Variants in METTL16 observed in about 807,000 individuals in gnomAD.
METTL16 encodes RNA N(6)-adenosine-methyltransferase METTL16.
A neutral mutation model predicts 57.9 loss-of-function variants in METTL16; 19 were observed. That is an observed-to-expected ratio of 0.33 (90% CI 0.23 to 0.48). The LOEUF (loss-of-function observed/expected upper bound fraction) is 0.48. Among genes scored for constraint, METTL16 ranks in the 20% least tolerant of loss-of-function variants. The probability of loss-of-function intolerance (pLI) is 0.99; values close to 1 mark genes in which losing one functional copy is unlikely to be tolerated. For missense variants in METTL16, 434 were observed against 691.5 expected, an observed-to-expected ratio of 0.63 and a Z score of 4.18; for synonymous variants, 246 against 255.6, an observed-to-expected ratio of 0.96 and a Z score of 0.36.
rs577650358 is a variant in METTL16, at chr17:2,487,144, T to A, written c.129-9259A>T. On this transcript the variant is annotated intron_variant, in intron 2 of 9. Coordinates refer to ENST00000263092, the MANE Select transcript of METTL16 (RefSeq NM_024086.4). The stretch of plus-strand genomic sequence containing the variant: ...ACGAAATGATATGTGAGCTAAGGGA[T>A]GCTGTGTTTCACATGAGTCTCCCAA... Among the ~76,000 whole-genome samples, 3 of 152,064 alleles carry A rather than the reference T, an allele frequency of 2.0e-5. No individual in the cohort carries two copies. The South Asian group carries it at 6.2e-4, about 31-fold the overall frequency.
intron 1 of METTL16, among the ~76,000 whole-genome samples, chr17:2,511,181 C>T (rs9989477): frequency 0.61 from 91,821 of 151,336 alleles, 30,100 homozygotes; most frequent in Non-Finnish European, 0.75. Flanking sequence ...TCCAGAAAGC[C>T]ACAGTTAATA....
At chr17:2,428,935 C>T (rs1299071964) in intron 8 of METTL16, among the ~76,000 whole-genome samples, 12 of 151,434 alleles carry the variant, frequency 7.9e-5, no homozygotes, top group Admixed American at 3.3e-4. Flanking sequence ...CTCGGCTCAC[C>T]GCAACCTCTG....
At chr17:2,436,449 A>T (rs1235797424) in intron 8 of METTL16, among the ~76,000 whole-genome samples, 1 of 152,152 alleles carries the variant, frequency 6.6e-6, no homozygotes, top group Non-Finnish European at 1.5e-5. Context: ...TTTCAGAAAC[A>T]TGGTAGTATC....
At chr17:2,476,943 C>T (rs1208839994) in intron 3 of METTL16, among the ~76,000 whole-genome samples, 1 of 136,672 alleles carries the variant, frequency 7.3e-6, no homozygotes, top group Admixed American at 7.6e-5. Flanking sequence ...GCGACAAGAG[C>T]AAAATTCCGT....
At chr17:2,459,550 C>A (rs1427481572) in intron 6 of METTL16, among the ~76,000 whole-genome samples, 1 of 152,106 alleles carries the variant, frequency 6.6e-6, no homozygotes, top group African/African-American at 2.4e-5. Flanking sequence ...TCTTCAGGGA[C>A]AAGGAGAAAA....
At chr17:2,441,617 A>G in intron 6 of METTL16, 58 bp from the exon 7 acceptor site, 1 of 1,173,680 alleles carries the variant, frequency 8.5e-7, no homozygotes, top group Non-Finnish European at 1.2e-6. Context: ...ATTTTAAACT[A>G]AGCATTATTC....
intron 2 of METTL16, among the ~76,000 whole-genome samples, chr17:2,490,653 AG>A (rs1296459398): frequency 1.3e-5 from 2 of 151,750 alleles, no homozygotes; most frequent in Non-Finnish European, 2.9e-5. Context: ...ACCAGAAAAC[AG>A]GTCCTTGGTT....
At chr17:2,475,775 G>A (rs1039074413) in intron 3 of METTL16, among the ~76,000 whole-genome samples, 1 of 152,204 alleles carries the variant, frequency 6.6e-6, no homozygotes, top group Non-Finnish European at 1.5e-5. Context: ...GAGTCTGGGG[G>A]AAGAATTTAT....
rs1384559976 is a variant in METTL16, at chr17:2,418,892, C to A, written c.*1078G>T. 6.6e-6 allele frequency: 1 copy of A among 152,260 alleles called. No individual in the cohort carries two copies. Among genetic ancestry groups the A allele is most frequent in the African/African-American group, 2.4e-5 (1 of 41,454 alleles). 9.4% of individuals were successfully genotyped at this position (152,260 alleles called of 1,614,324 possible). ...CAACATCAAGCACAGCAAAAGGTCACCCCTTTCCGGGGGGACGGCTACTGA... is the reference window on the plus strand; with the variant it reads ...CAACATCAAGCACAGCAAAAGGTCAACCCTTTCCGGGGGGACGGCTACTGA... On this transcript the variant is annotated 3_prime_UTR_variant, in exon 10 of 10. Coordinates refer to ENST00000263092, the MANE Select transcript of METTL16 (RefSeq NM_024086.4).
At chr17:2,421,539 A>G (rs1458356878) in intron 8 of METTL16, among the ~76,000 whole-genome samples, 1 of 152,166 alleles carries the variant, frequency 6.6e-6, no homozygotes, top group Non-Finnish European at 1.5e-5. Flanking sequence ...TGTTCTGGCT[A>G]TCAGATGTAA....
chr17:2,475,235 G>A (rs2067261700), intron 3 of METTL16: 1 of 152,190 alleles, frequency 6.6e-6, no homozygotes, highest in Admixed American at 6.5e-5. Context: ...ACGCTGCATT[G>A]CCTACCATTT....
intron 8 of METTL16, among the ~76,000 whole-genome samples, chr17:2,436,222 G>C (rs1160334471): frequency 6.6e-6 from 1 of 152,094 alleles, no homozygotes; most frequent in Admixed American, 6.5e-5. Flanking sequence ...TGACAGAAAG[G>C]ATAATTCTTC....
intron 2 of METTL16, among the ~76,000 whole-genome samples, chr17:2,500,727 T>C (rs2151579630): frequency 1.3e-5 from 2 of 152,312 alleles, no homozygotes; most frequent in Middle Eastern, 6.8e-3. Flanking sequence ...TTAGAGATAG[T>C]TCTTTCTCAG....
intron 3 of METTL16, among the ~76,000 whole-genome samples, chr17:2,475,009 C>G (rs1195141548): frequency 6.6e-6 from 1 of 152,130 alleles, no homozygotes; most frequent in African/African-American, 2.4e-5. Context: ...AAGCCTAAAG[C>G]AGTCAGCCTC....
intron 6 of METTL16, among the ~76,000 whole-genome samples, chr17:2,447,274 CCT>C (rs1221096408): frequency 6.7e-6 from 1 of 148,404 alleles, no homozygotes; most frequent in Non-Finnish European, 1.5e-5. Flanking sequence ...TGGCCGCAAC[CCT>C]GTCTGGGAGG....
intron 6 of METTL16, among the ~76,000 whole-genome samples, chr17:2,461,497 G>A (rs1367048901): frequency 6.6e-6 from 1 of 151,794 alleles, no homozygotes. Context: ...TACAAAGATT[G>A]AAAAGGTAGT....
chr17:2,464,739 T>G (rs2067177807), intron 5 of METTL16, among the ~76,000 whole-genome samples: 1 of 152,334 alleles, frequency 6.6e-6, no homozygotes, highest in South Asian at 2.1e-4. Flanking sequence ...TAATCCACCC[T>G]TACCTCATAC....
intron 2 of METTL16, among the ~76,000 whole-genome samples, chr17:2,482,055 C>T (rs1196276764): frequency 6.6e-6 from 1 of 152,128 alleles, no homozygotes; most frequent in East Asian, 1.9e-4. Context: ...GCCAAACTTA[C>T]TTTGATTATA....
At chr17:2,422,444 C>G (rs1264173365) in intron 8 of METTL16, among the ~76,000 whole-genome samples, 2 of 151,880 alleles carry the variant, frequency 1.3e-5, no homozygotes, top group Non-Finnish European at 2.9e-5. Context: ...GCAATGGCGC[C>G]ATCTCGGCTC....
Sources: gnomAD v4.1 joint callset for allele counts (sites outside exome capture counted in the v4.1 genomes callset) on GRCh38, gnomAD v4.1.1 for gene constraint, MANE v1.5 for transcripts, NCBI Gene and HGNC (gene_info 2026-07-23, HGNC 2026-07-21) for gene names.